Variants in PCSK5 observed in about 807,000 individuals in gnomAD.
The protein encoded by PCSK5 is prohormone convertase 5.
Under a neutral mutation model 233.2 loss-of-function variants are expected in PCSK5, and 129 were observed. The ratio of observed to expected loss-of-function variants is 0.55; its 90% CI spans 0.48 to 0.64. The LOEUF (loss-of-function observed/expected upper bound fraction) is 0.64. PCSK5 is among the 30% of genes least tolerant of loss of function. The pLI, the probability that PCSK5 is intolerant of heterozygous loss-of-function variation, is 0.00. For synonymous variants in PCSK5, 825 were observed against 879.2 expected, an observed-to-expected ratio of 0.94 and a Z score of 1.09; for missense variants, 2,076 against 2,430.1, an observed-to-expected ratio of 0.85 and a Z score of 3.06.
intron 8 of PCSK5, among the ~76,000 whole-genome samples, chr9:76,106,894 A>C (rs565622609): frequency 6.6e-6 from 1 of 152,252 alleles, no homozygotes; most frequent in African/African-American, 2.4e-5. Context: ...TGTTGAGGCA[A>C]GGAAAGAACT....
intron 2 of PCSK5, among the ~76,000 whole-genome samples, chr9:75,934,279 C>T (rs79217522): frequency 0.022 from 3,414 of 152,280 alleles, 58 homozygotes; most frequent in Non-Finnish European, 0.031. Context: ...GTCTGCTCAT[C>T]GTTCCCACCT....
chr9:75,897,454 A>G (rs1033469851), intron 1 of PCSK5, among the ~76,000 whole-genome samples: 1 of 146,570 alleles, frequency 6.8e-6, no homozygotes, highest in African/African-American at 2.5e-5. Context: ...TATAAGACAT[A>G]TACTCTATGG....
intron 20 of PCSK5, among the ~76,000 whole-genome samples, chr9:76,218,729 A>G (rs1469086357): frequency 6.6e-6 from 1 of 152,150 alleles, no homozygotes; most frequent in Non-Finnish European, 1.5e-5. Context: ...TGATTTGATT[A>G]ATTTCACACA....
chr9:76,090,882 G>T (rs1444679403), intron 7 of PCSK5, among the ~76,000 whole-genome samples: 1 of 151,284 alleles, frequency 6.6e-6, no homozygotes, highest in Non-Finnish European at 1.5e-5. Flanking sequence ...GGTCCCATCT[G>T]GGGGTGATAG....
At chr9:76,357,016 A>G (rs1830318570) in intron 37 of PCSK5, among the ~76,000 whole-genome samples, 1 of 152,154 alleles carries the variant, frequency 6.6e-6, no homozygotes, top group South Asian at 2.1e-4. Flanking sequence ...TCATACTCCC[A>G]TGTGGTGGGT....
At chr9:76,191,580 G>T (rs1824378435) in intron 20 of PCSK5, among the ~76,000 whole-genome samples, 1 of 152,208 alleles carries the variant, frequency 6.6e-6, no homozygotes, top group Non-Finnish European at 1.5e-5. Flanking sequence ...TTTCTTTGGA[G>T]CATCGTAGGT....
rs371389333 is a variant in PCSK5 at position 75,958,782 on chromosome 9, TAAG to T, written c.297+26302_297+26304del. On this transcript the variant is annotated intron_variant, in intron 2 of 37. Coordinates refer to ENST00000674117, the MANE Select transcript of PCSK5 (RefSeq NM_001372043.1). ...CTGTATGAAATGGAAATGGTAATAA[TAAG>T]AACTCAGAGTAGTGTGAAGGTTAGA... Among the ~76,000 whole-genome samples the T allele has an allele frequency of 7.7e-4, 118 of 152,330 alleles. 3 individuals carry two copies. In the South Asian group the frequency reaches 0.021, roughly 26 times the overall value.
chr9:76,283,630 A>G (rs1827954228), intron 24 of PCSK5, among the ~76,000 whole-genome samples: 1 of 152,220 alleles, frequency 6.6e-6, no homozygotes, highest in African/African-American at 2.4e-5. Flanking sequence ...AACTGAACCC[A>G]TAATATCTCT....
intron 9 of PCSK5, among the ~76,000 whole-genome samples, chr9:76,126,181 A>ATGTGTGTGTGTGTG (rs71499131): frequency 0.059 from 8,886 of 150,482 alleles, 294 homozygotes; most frequent in Non-Finnish European, 0.069. Flanking sequence ...GTGTGTGTGT[A>ATGTGTGTGTGTGTG]TGTGTGTGTG....
intron 3 of PCSK5, among the ~76,000 whole-genome samples, chr9:76,019,346 A>G (rs1357562610): frequency 1.3e-5 from 2 of 151,868 alleles, no homozygotes; most frequent in East Asian, 3.9e-4. Flanking sequence ...AGTTGATTAG[A>G]TGTATGTCTT....
chr9:76,232,625 T>A (rs1006095080), intron 21 of PCSK5, among the ~76,000 whole-genome samples: 1 of 152,208 alleles, frequency 6.6e-6, no homozygotes, highest in African/African-American at 2.4e-5. Context: ...ATATTACCTA[T>A]CTGACTCTTG....
intron 9 of PCSK5, among the ~76,000 whole-genome samples, chr9:76,109,416 T>C (rs936972482): frequency 7.1e-6 from 1 of 141,558 alleles, no homozygotes; most frequent in Non-Finnish European, 1.5e-5. Context: ...CTTTGAGATA[T>C]TACTGTAACA....
At chr9:75,929,342 C>T (rs1300948183) in intron 1 of PCSK5, among the ~76,000 whole-genome samples, 1 of 152,160 alleles carries the variant, frequency 6.6e-6, no homozygotes, top group East Asian at 1.9e-4. Flanking sequence ...CAGATGTTTT[C>T]CTGTCTCAAT....
At chr9:76,107,122 GTAGGAACAA>G in intron 8 of PCSK5, 120 bp from the exon 9 acceptor site, 1 of 571,904 alleles carries the variant, frequency 1.7e-6, no homozygotes, top group Non-Finnish European at 3.1e-6. Flanking sequence ...TTACAGGCGT[GTAGGAACAA>G]GGAATTTAAA....
rs187717351 is a variant in PCSK5, at chr9:75,899,425, C to T, written c.192+8052C>T. Among the ~76,000 whole-genome samples the T allele has an allele frequency of 2.0e-5, 3 of 152,222 alleles. No homozygotes were observed. The East Asian group carries it at 5.8e-4, about 29-fold the overall frequency. ...CTCTTAGCAAATAGTCAATAAACAA[C>T]ACAGTATTATTATGTTGTTTATCCC... On this transcript the variant is annotated intron_variant, in intron 1 of 37. Coordinates refer to ENST00000674117, the MANE Select transcript of PCSK5 (RefSeq NM_001372043.1).
In PCSK5 at chr9:76,266,707, G is replaced by A. The variant is rs72740926; in HGVS notation, c.3143-25526G>A. Among the ~76,000 whole-genome samples the A allele has an allele frequency of 4.7e-3, 719 of 152,274 alleles. 4 individuals are homozygous for A. The highest frequency in any genetic ancestry group is 7.7e-3 in the Non-Finnish European group (523 of 68,026). On this transcript the variant is annotated intron_variant, in intron 24 of 37. Coordinates refer to ENST00000674117, the MANE Select transcript of PCSK5 (RefSeq NM_001372043.1). ...GAATAAACACTCACAGACTTAAGCA[G>A]CCACTTGTGCATCTATCATTGAATA... is the stretch of plus-strand genomic sequence containing the variant.
chr9:76,040,377 C>CTCTCTGTCTCTCTGTCTCTCTG (rs1829058334), intron 5 of PCSK5, among the ~76,000 whole-genome samples: 1 of 59,798 alleles, frequency 1.7e-5, no homozygotes, highest in African/African-American at 8.3e-5. Flanking sequence ...CTCTCTCTCT[C>CTCTCTGTCTCTCTGTCTCTCTG]TCTCTCTGTC....
chr9:75,997,987 T>A (rs537996195), intron 3 of PCSK5, among the ~76,000 whole-genome samples: 1 of 152,306 alleles, frequency 6.6e-6, no homozygotes, highest in African/African-American at 2.4e-5. Flanking sequence ...GATCCAGACA[T>A]TCAAAATTAG....
intron 20 of PCSK5, among the ~76,000 whole-genome samples, chr9:76,224,336 C>T (rs1158666552): frequency 1.3e-5 from 2 of 151,838 alleles, no homozygotes; most frequent in Non-Finnish European, 2.9e-5. Flanking sequence ...TGACAATAGC[C>T]AGGAAGAGTG....
Sources: gnomAD v4.1 joint callset for allele counts (sites outside exome capture counted in the v4.1 genomes callset) on GRCh38, gnomAD v4.1.1 for gene constraint, MANE v1.5 for transcripts, NCBI Gene and HGNC (gene_info 2026-07-23, HGNC 2026-07-21) for gene names.